The following MFAP1 variants were observed in gnomAD, a reference collection of about 807,000 sequenced individuals.
The protein encoded by MFAP1 is microfibrillar-associated protein 1.
MFAP1 carries 18 observed loss-of-function variants against 62.2 expected under a neutral mutation model. The observed-to-expected ratio is 0.29, with a 90% CI of 0.20 to 0.43. The LOEUF (loss-of-function observed/expected upper bound fraction) is 0.43, where lower values mean the gene tolerates loss of function less well. Among genes scored for constraint, MFAP1 ranks in the 20% least tolerant of loss-of-function variants. The pLI, the probability that MFAP1 is intolerant of heterozygous loss-of-function variation, is 1.00. For missense variants in MFAP1, 355 were observed against 559.7 expected (o/e 0.63, Z 3.69); for synonymous variants, 175 against 180.4 (o/e 0.97, Z 0.24).
At chr15:43,820,927 A>G (rs1235466662) in intron 1 of MFAP1, among the ~76,000 whole-genome samples, 4 of 152,158 alleles carry the variant, frequency 2.6e-5, no homozygotes, top group Non-Finnish European at 4.4e-5. Context: ...ACTGTTTGAG[A>G]AAGGGTCTCA....
chr15:43,811,550 T>C (rs1280488773), intron 6 of MFAP1, among the ~76,000 whole-genome samples: 5 of 150,062 alleles, frequency 3.3e-5, no homozygotes, highest in Admixed American at 6.6e-5. Flanking sequence ...CTCTGTCACC[T>C]AGGCTGGAGT....
At chr15:43,818,690 C>T (rs1355717384) in intron 1 of MFAP1, among the ~76,000 whole-genome samples, 2 of 151,746 alleles carry the variant, frequency 1.3e-5, no homozygotes, top group Non-Finnish European at 2.9e-5. Context: ...CCCAGGAGTT[C>T]GAGACCAGCC....
chr15:43,805,320 T>C (rs777635258), intron 8 of MFAP1, 44 bp from the exon 9 acceptor site: 3 of 1,601,188 alleles, frequency 1.9e-6, no homozygotes, highest in Non-Finnish European at 2.6e-6. Context: ...AAACAAACCA[T>C]GCCTCAGCTA....
At position 43,824,573 on chromosome 15, in the gene MFAP1, G is replaced by T; in HGVS notation, c.-4C>A. On this transcript the variant is annotated 5_prime_UTR_variant, in exon 1 of 9. Transcript: ENST00000267812. ...TGAGAGCGCTTGGGACCGACATGTTGATGGCAGCGACGGTGATTCCCGAAA... is the reference window on the plus strand; with the variant it reads ...TGAGAGCGCTTGGGACCGACATGTTTATGGCAGCGACGGTGATTCCCGAAA... 4 of 1,614,188 alleles carry T rather than the reference G, an allele frequency of 2.5e-6. No individual in the cohort carries two copies. The highest frequency in any genetic ancestry group is 1.7e-6 in the Non-Finnish European group (2 of 1,180,032).
chr15:43,820,857 C>T (rs2087463024), intron 1 of MFAP1, among the ~76,000 whole-genome samples: 1 of 152,180 alleles, frequency 6.6e-6, no homozygotes, highest in South Asian at 2.1e-4. Flanking sequence ...ATCCTCTTGC[C>T]TAGGGCCTCC....
In MFAP1 at chr15:43,805,503, T is replaced by C. The variant is rs367717273; in HGVS notation, c.1048-38A>G. On this transcript the variant is annotated intron_variant, in intron 7 of 8. Transcript: ENST00000267812. Reference sequence around the variant, plus strand: ...AATCTTATCAATCTTGTGGCTTTATTTCCTATATATTCAAACCACAAATTT... The same window carrying C: ...AATCTTATCAATCTTGTGGCTTTATCTCCTATATATTCAAACCACAAATTT... 7 of 1,534,212 alleles carry C rather than the reference T, an allele frequency of 4.6e-6. No individual in the cohort carries two copies. In the African/African-American group the frequency reaches 9.7e-5, roughly 21 times the overall value.
At position 43,809,951 on chromosome 15, in the gene MFAP1, C is replaced by T. The variant is rs767485606; in HGVS notation, c.888-37G>A. On this transcript the variant is annotated intron_variant, in intron 6 of 8. Transcript: ENST00000267812. The stretch of plus-strand genomic sequence containing the variant: ...GCAAAACAATTTATTGGTACTGTTA[C>T]AGCTTCAGAAAGACCAAATTATCTG... 4.3e-6 allele frequency: 7 copies of T among 1,610,620 alleles called. No individual in the cohort carries two copies. The East Asian group carries it at 1.3e-4, about 31-fold the overall frequency.
chr15:43,814,029 G>A (rs1319102677), intron 4 of MFAP1, among the ~76,000 whole-genome samples: 1 of 152,046 alleles, frequency 6.6e-6, no homozygotes, highest in Non-Finnish European at 1.5e-5. Flanking sequence ...TGAGGAGGAC[G>A]GATCACCTGA....
intron 1 of MFAP1, 33 bp from the exon 2 acceptor site, chr15:43,817,481 C>A: frequency 6.2e-7 from 1 of 1,609,210 alleles, no homozygotes; most frequent in Non-Finnish European, 8.5e-7. Flanking sequence ...GTTTCAGTAG[C>A]CTCTTTCTCA....
At position 43,817,166 on chromosome 15, in the gene MFAP1, CTATTAT is replaced by C. The variant is rs59007225; in HGVS notation, c.299+57_299+62del. The C allele has an allele frequency of 5.1e-3, 7,291 of 1,428,740 alleles. 246 individuals carry two copies. In the African/African-American group the frequency reaches 0.081, roughly 16 times the overall value. 88.5% of individuals were successfully genotyped at this position (1,428,740 alleles called of 1,614,324 possible). On this transcript the variant is annotated intron_variant, in intron 2 of 8. Coordinates refer to ENST00000267812, the MANE Select transcript of MFAP1 (RefSeq NM_005926.3). Reference sequence around the variant, plus strand: ...CTTGGTAGTACTATTCAAGTATTAGCTATTATTATTATTATTAAGCTGTAGAGGTTC... The same window carrying C: ...CTTGGTAGTACTATTCAAGTATTAGCTATTATTATTAAGCTGTAGAGGTTC...
intron 1 of MFAP1, among the ~76,000 whole-genome samples, chr15:43,823,392 T>C (rs967546176): frequency 6.6e-6 from 1 of 151,928 alleles, no homozygotes; most frequent in African/African-American, 2.4e-5. Flanking sequence ...TTTTTTTTTT[T>C]TTGAGAGAGT....
intron 6 of MFAP1, among the ~76,000 whole-genome samples, chr15:43,812,693 T>C (rs2087409415): frequency 6.6e-6 from 1 of 152,214 alleles, no homozygotes; most frequent in Non-Finnish European, 1.5e-5. Context: ...GTGGGTTGGG[T>C]TGTACACAAG....
At position 43,808,988 on chromosome 15, in the gene MFAP1, C is replaced by G. The variant is rs538323848; in HGVS notation, c.1047+767G>C. Among the ~76,000 whole-genome samples the G allele has an allele frequency of 2.0e-5, 3 of 152,276 alleles. No individual in the cohort carries two copies. The South Asian group carries it at 6.2e-4, about 32-fold the overall frequency. On this transcript the variant is annotated intron_variant, in intron 7 of 8. Coordinates refer to ENST00000267812, the MANE Select transcript of MFAP1 (RefSeq NM_005926.3). ...AAACCATTTTTTTTGGTTAGTTACT[C>G]TTGGGTACTGTCAGTTCAGAATGAA...
At chr15:43,812,582 G>C (rs920419512) in intron 6 of MFAP1, among the ~76,000 whole-genome samples, 3 of 152,164 alleles carry the variant, frequency 2.0e-5, no homozygotes, top group African/African-American at 7.2e-5. Context: ...CCAGCTGGAT[G>C]CAACTACATA....
chr15:43,822,100 T>C (rs886628518), intron 1 of MFAP1, among the ~76,000 whole-genome samples: 2 of 149,636 alleles, frequency 1.3e-5, no homozygotes, highest in Admixed American at 6.8e-5. Context: ...ATTAGACACA[T>C]GAACAAGATG....
At chr15:43,820,984 C>A (rs1199935374) in intron 1 of MFAP1, among the ~76,000 whole-genome samples, 1 of 152,100 alleles carries the variant, frequency 6.6e-6, no homozygotes, top group East Asian at 1.9e-4. Flanking sequence ...CAGCTCACTG[C>A]AGTCTCAACC....
intron 7 of MFAP1, among the ~76,000 whole-genome samples, chr15:43,808,144 T>G (rs16965120): frequency 0.18 from 28,150 of 152,226 alleles, 3,847 homozygotes; most frequent in African/African-American, 0.37. Flanking sequence ...CTGTGATACA[T>G]ATTTATAAAC....
chr15:43,814,082 CCT>C (rs1296131461), intron 4 of MFAP1, among the ~76,000 whole-genome samples: 4 of 152,078 alleles, frequency 2.6e-5, no homozygotes, highest in Middle Eastern at 3.4e-3. Context: ...GGAAAAACCC[CCT>C]CTCTACTAAA....
In MFAP1 at chr15:43,817,273, C is replaced by A. The variant is rs1173373787; in HGVS notation, c.255G>T (p.Arg85=). Residue 85 remains arginine (R), a synonymous_variant, in exon 2 of 9, where the codon CGG becomes CGT. Coordinates refer to ENST00000267812, the MANE Select transcript of MFAP1 (RefSeq NM_005926.3). ...EQEEDSSSDP[R]LRRLQNRISE... The stretch of plus-strand genomic sequence containing the variant: ...TAATACGGTTCTGTAAACGCCGTAG[C>A]CGGGGGTCACTGGATGAATCCTCCT... 1.9e-6 allele frequency: 3 copies of A among 1,614,102 alleles called. No homozygotes were observed. The Admixed American group carries it at 5.0e-5, about 27-fold the overall frequency.
Sources: gnomAD v4.1 joint callset for allele counts (sites outside exome capture counted in the v4.1 genomes callset) on GRCh38, gnomAD v4.1.1 for gene constraint, MANE v1.5 for transcripts, NCBI Gene and HGNC (gene_info 2026-07-23, HGNC 2026-07-21) for gene names.